The following GNG12 variants were observed in gnomAD, a reference collection of about 807,000 sequenced individuals.
The protein encoded by GNG12 is guanine nucleotide-binding protein G(I)/G(S)/G(O) subunit gamma-12.
For missense variants in GNG12, 69 were observed against 83.8 expected (o/e 0.82, Z 0.69); for synonymous variants, 28 against 29.7 (o/e 0.94, Z 0.19).
chr1:67,709,245 C>T (rs1388145818), intron 2 of GNG12, among the ~76,000 whole-genome samples: 2 of 152,192 alleles, frequency 1.3e-5, no homozygotes, highest in African/African-American at 4.8e-5. Flanking sequence ...CCATGAACTG[C>T]AGCTGCTAGT....
intron 2 of GNG12, among the ~76,000 whole-genome samples, chr1:67,741,326 T>A (rs908045175): frequency 3.3e-5 from 5 of 152,242 alleles, no homozygotes; most frequent in African/African-American, 1.2e-4. Flanking sequence ...ACCGCCTTCT[T>A]GTGTAAGGTC....
intron 2 of GNG12, among the ~76,000 whole-genome samples, chr1:67,724,229 A>T (rs1646372796): frequency 6.6e-6 from 1 of 152,196 alleles, no homozygotes; most frequent in Non-Finnish European, 1.5e-5. Flanking sequence ...GGATGAGCTC[A>T]GGACTGCGCT....
intron 2 of GNG12, among the ~76,000 whole-genome samples, chr1:67,753,099 C>T (rs1023159642): frequency 6.6e-6 from 1 of 152,340 alleles, no homozygotes; most frequent in Admixed American, 6.5e-5. Flanking sequence ...CCATGTCTTA[C>T]TTAACCTTTC....
In GNG12 at chr1:67,775,999, G is replaced by C. The variant is rs1475307503; in HGVS notation, c.-27+1459C>G. Among the ~76,000 whole-genome samples the C allele has an allele frequency of 2.6e-5, 4 of 152,178 alleles. No homozygotes were observed. The East Asian group carries it at 7.7e-4, about 29-fold the overall frequency. ...CCAGAAAATGAGTGGAGAAGCTAGA[G>C]AAGAGCCTAGGCTGGTGTAGGGGAT... On this transcript the variant is annotated intron_variant, in intron 2 of 3. Transcript: ENST00000370982.
At chr1:67,808,437 T>G (rs1646905318) in intron 1 of GNG12, among the ~76,000 whole-genome samples, 1 of 152,060 alleles carries the variant, frequency 6.6e-6, no homozygotes, top group South Asian at 2.1e-4. Context: ...AACTTTTTGC[T>G]GCAATTCCCA....
chr1:67,775,434 G>T (rs1397232149), intron 2 of GNG12, among the ~76,000 whole-genome samples: 1 of 152,240 alleles, frequency 6.6e-6, no homozygotes, highest in East Asian at 1.9e-4. Context: ...ATCATTTGGG[G>T]TGCTTTAAGG....
intron 2 of GNG12, among the ~76,000 whole-genome samples, chr1:67,775,141 C>T (rs964930096): frequency 6.6e-6 from 1 of 152,186 alleles, no homozygotes; most frequent in Non-Finnish European, 1.5e-5. Flanking sequence ...TCAATTAATC[C>T]ATTTTAATCA....
At chr1:67,765,928 G>T (rs1646634360) in intron 2 of GNG12, among the ~76,000 whole-genome samples, 1 of 152,124 alleles carries the variant, frequency 6.6e-6, no homozygotes, top group Non-Finnish European at 1.5e-5. Context: ...ATGATTTGTT[G>T]TAACTAGACG....
intron 1 of GNG12, among the ~76,000 whole-genome samples, chr1:67,822,781 T>C (rs547152577): frequency 6.6e-6 from 1 of 152,276 alleles, no homozygotes; most frequent in South Asian, 2.1e-4. Context: ...TATACTCAAA[T>C]TCATAAGACT....
At chr1:67,813,646 C>T (rs1055601219) in intron 1 of GNG12, among the ~76,000 whole-genome samples, 7 of 151,774 alleles carry the variant, frequency 4.6e-5, no homozygotes, top group African/African-American at 7.3e-5. Context: ...TCACTGATCC[C>T]GCTATACCAT....
intron 2 of GNG12, among the ~76,000 whole-genome samples, chr1:67,749,575 T>C (rs916116086): frequency 6.6e-6 from 1 of 152,170 alleles, no homozygotes; most frequent in South Asian, 2.1e-4. Context: ...TGGGTACAAC[T>C]GTTTGCTGAT....
At chr1:67,734,215 A>G (rs1646438400) in intron 2 of GNG12, among the ~76,000 whole-genome samples, 1 of 151,464 alleles carries the variant, frequency 6.6e-6, no homozygotes, top group African/African-American at 2.4e-5. Flanking sequence ...CTGGGCTGCT[A>G]TCTAGTACAA....
At chr1:67,812,696 A>G (rs1646932837) in intron 1 of GNG12, among the ~76,000 whole-genome samples, 1 of 152,222 alleles carries the variant, frequency 6.6e-6, no homozygotes, top group South Asian at 2.1e-4. Context: ...CTAAATGTCT[A>G]TAAAAGCTGA....
intron 2 of GNG12, among the ~76,000 whole-genome samples, chr1:67,753,748 T>C (rs529970534): frequency 6.6e-6 from 1 of 152,284 alleles, no homozygotes; most frequent in East Asian, 1.9e-4. Context: ...TAAAGATCTT[T>C]GAAGGGGTCT....
chr1:67,831,300 T>C (rs1262039816), intron 1 of GNG12, among the ~76,000 whole-genome samples: 1 of 152,244 alleles, frequency 6.6e-6, no homozygotes, highest in Non-Finnish European at 1.5e-5. Flanking sequence ...AGCCCTTTGC[T>C]CTCACACTTT....
chr1:67,713,989 T>A (rs1646310755), intron 2 of GNG12, among the ~76,000 whole-genome samples: 1 of 152,180 alleles, frequency 6.6e-6, no homozygotes, highest in South Asian at 2.1e-4. Context: ...CAGAGTTAGG[T>A]TCTTAAGAAT....
At chr1:67,761,275 T>C (rs929702580) in intron 2 of GNG12, among the ~76,000 whole-genome samples, 4 of 152,228 alleles carry the variant, frequency 2.6e-5, no homozygotes, top group Non-Finnish European at 4.4e-5. Flanking sequence ...GTTCAGGCAA[T>C]CTTCTTCACA....
intron 2 of GNG12, among the ~76,000 whole-genome samples, chr1:67,715,416 G>T (rs1266081395): frequency 6.6e-6 from 1 of 152,204 alleles, no homozygotes; most frequent in African/African-American, 2.4e-5. Flanking sequence ...AGCTCCAGAT[G>T]ACACAGTCTC....
intron 1 of GNG12, among the ~76,000 whole-genome samples, chr1:67,815,983 A>C (rs889720891): frequency 6.6e-6 from 1 of 152,118 alleles, no homozygotes; most frequent in African/African-American, 2.4e-5. Context: ...TCTGGGCCCC[A>C]TGCCAGGGCT....
Sources: allele counts gnomAD v4.1 joint callset (sites outside exome capture counted in the v4.1 genomes callset), GRCh38; gene constraint gnomAD v4.1.1; transcripts MANE v1.5; gene names NCBI Gene and HGNC (gene_info 2026-07-23, HGNC 2026-07-21).